CTNNA2: variants seen among roughly 807,000 people sequenced by gnomAD.
CTNNA2 encodes the protein catenin alpha-2.
CTNNA2 carries 42 observed loss-of-function variants against 101.0 expected under a neutral mutation model. The ratio of observed to expected loss-of-function variants is 0.42; its 90% CI spans 0.32 to 0.54. The LOEUF (loss-of-function observed/expected upper bound fraction) is 0.54. Ranked by LOEUF, CTNNA2 falls within the 20% of genes least tolerant of loss-of-function variation. The probability of loss-of-function intolerance (pLI) is 0.14; values close to 1 mark genes in which losing one functional copy is unlikely to be tolerated. For missense variants in CTNNA2, 871 were observed against 1,223.1 expected, an observed-to-expected ratio of 0.71 and a Z score of 4.29; for synonymous variants, 450 against 456.4, an observed-to-expected ratio of 0.99 and a Z score of 0.18.
chr2:79,592,212 C>G (rs1426912426), intron 1 of CTNNA2, among the ~76,000 whole-genome samples: 1 of 151,850 alleles, frequency 6.6e-6, no homozygotes, highest in Non-Finnish European at 1.5e-5. Flanking sequence ...CCTCTGCCTC[C>G]CGGGTTCAGG....
chr2:79,196,207 T>C (rs779484639), intron 1 of CTNNA2, among the ~76,000 whole-genome samples: 12 of 152,150 alleles, frequency 7.9e-5, no homozygotes, highest in Non-Finnish European at 1.5e-4. Context: ...GCTGGGATTA[T>C]AGGCATAAGC....
chr2:79,901,001 T>C (rs534832860), intron 6 of CTNNA2, among the ~76,000 whole-genome samples: 174 of 152,324 alleles, frequency 1.1e-3, no homozygotes, highest in Non-Finnish European at 1.0e-3. Flanking sequence ...ATGGGGATGA[T>C]GATTAAGTTA....
At chr2:80,581,555 G>A (rs531855765) in intron 13 of CTNNA2, 151 bp from the exon 14 acceptor site, 42 of 535,298 alleles carry the variant, frequency 7.8e-5, no homozygotes, top group Admixed American at 3.8e-4. Flanking sequence ...ACTGCATTCC[G>A]GCTAATACTC....
At chr2:79,323,105 A>G (rs993140512) in intron 3 of CTNNA2, among the ~76,000 whole-genome samples, 2 of 152,150 alleles carry the variant, frequency 1.3e-5, no homozygotes, top group African/African-American at 4.8e-5. Context: ...TCAAATCCCC[A>G]GTATGTTTAG....
At chr2:80,008,074 C>T (rs1184984611) in intron 7 of CTNNA2, among the ~76,000 whole-genome samples, 1 of 152,156 alleles carries the variant, frequency 6.6e-6, no homozygotes, top group Non-Finnish European at 1.5e-5. Context: ...GGCTCTATGA[C>T]CCAGATCTAC....
Position 79,785,843 on chromosome 2 carries a change from G to T in CTNNA2, c.298+41261G>T, listed in dbSNP as rs1043959802. ...AGTACTTACTAGATCCTATGATAGGGTATTTCTAACTTTGTAAGTATATCC... is the reference window on the plus strand; with the variant it reads ...AGTACTTACTAGATCCTATGATAGGTTATTTCTAACTTTGTAAGTATATCC... On this transcript the variant is annotated intron_variant, in intron 3 of 18. Coordinates refer to ENST00000402739, the MANE Select transcript of CTNNA2 (RefSeq NM_001282597.3). Among the ~76,000 whole-genome samples the T allele has an allele frequency of 2.6e-5, 4 of 152,058 alleles. No homozygotes were observed. In the East Asian group the frequency reaches 7.7e-4, roughly 29 times the overall value.
chr2:80,463,782 G>A (rs983389327), intron 9 of CTNNA2, among the ~76,000 whole-genome samples: 1 of 152,118 alleles, frequency 6.6e-6, no homozygotes, highest in African/African-American at 2.4e-5. Context: ...CATTTATCTA[G>A]TATATATTTT....
At chr2:79,401,831 T>C (rs10181774) in intron 4 of CTNNA2, among the ~76,000 whole-genome samples, 62,809 of 151,232 alleles carry the variant, frequency 0.42, 14,054 homozygotes, top group Non-Finnish European at 0.49. Context: ...ATTGAATATA[T>C]ACCTTTTAAA....
At chr2:80,018,446 G>A (rs1006640854) in intron 7 of CTNNA2, among the ~76,000 whole-genome samples, 10 of 152,170 alleles carry the variant, frequency 6.6e-5, no homozygotes, top group African/African-American at 1.2e-4. Context: ...TGGCCATGGC[G>A]GGAGTATTTA....
intron 4 of CTNNA2, among the ~76,000 whole-genome samples, chr2:79,461,213 T>C (rs1399110229): frequency 6.6e-6 from 1 of 152,222 alleles, no homozygotes; most frequent in East Asian, 1.9e-4. Context: ...TAAATTATCT[T>C]CAGAGTTACT....
intron 7 of CTNNA2, among the ~76,000 whole-genome samples, chr2:80,046,304 G>A (rs1241751900): frequency 6.6e-6 from 1 of 152,060 alleles, no homozygotes; most frequent in African/African-American, 2.4e-5. Context: ...GAGGTTAAAT[G>A]CCCAAAAATG....
chr2:79,638,009 ACTGT>A (rs1340561127), intron 1 of CTNNA2, among the ~76,000 whole-genome samples: 1 of 152,188 alleles, frequency 6.6e-6, no homozygotes, highest in African/African-American at 2.4e-5. Flanking sequence ...TTCCTCCATG[ACTGT>A]CTGATACACA....
intron 4 of CTNNA2, among the ~76,000 whole-genome samples, chr2:79,421,807 T>G (rs1678542737): frequency 6.6e-6 from 1 of 152,142 alleles, no homozygotes; most frequent in African/African-American, 2.4e-5. Flanking sequence ...AGGAGAACAC[T>G]AAATCGAGTA....
chr2:80,138,379 T>C (rs955633015), intron 7 of CTNNA2, among the ~76,000 whole-genome samples: 1 of 152,186 alleles, frequency 6.6e-6, no homozygotes, highest in African/African-American at 2.4e-5. Flanking sequence ...ATCTATGCCT[T>C]GGTTTCTCCA....
chr2:79,829,982 T>G (rs556176765), intron 3 of CTNNA2, among the ~76,000 whole-genome samples: 109 of 152,146 alleles, frequency 7.2e-4, no homozygotes, highest in African/African-American at 2.5e-3. Context: ...ATATCAAGTT[T>G]TGATTGACTA....
chr2:80,424,388 G>C (rs2149414608), intron 9 of CTNNA2, among the ~76,000 whole-genome samples: 1 of 152,322 alleles, frequency 6.6e-6, no homozygotes, highest in South Asian at 2.1e-4. Flanking sequence ...ACTCTATGAG[G>C]CTTTGAAAAT....
intron 5 of CTNNA2, among the ~76,000 whole-genome samples, chr2:79,873,738 C>CTT (rs35426130): frequency 3.4e-5 from 5 of 147,320 alleles, no homozygotes; most frequent in East Asian, 2.0e-4. Flanking sequence ...ACTTCCACAA[C>CTT]TTTTTTTTTT....
At chr2:79,613,104 C>T (rs1678389144) in intron 1 of CTNNA2, among the ~76,000 whole-genome samples, 1 of 151,824 alleles carries the variant, frequency 6.6e-6, no homozygotes, top group Non-Finnish European at 1.5e-5. Context: ...GACTTGGCCA[C>T]CCAATTTTGC....
chr2:80,042,179 G>A (rs1257464330), intron 7 of CTNNA2, among the ~76,000 whole-genome samples: 1 of 152,168 alleles, frequency 6.6e-6, no homozygotes, highest in South Asian at 2.1e-4. Flanking sequence ...TGACCAGGCT[G>A]GTCTTGAACT....
Sources: gnomAD v4.1 joint callset for allele counts (sites outside exome capture counted in the v4.1 genomes callset) on GRCh38, gnomAD v4.1.1 for gene constraint, MANE v1.5 for transcripts, NCBI Gene and HGNC (gene_info 2026-07-23, HGNC 2026-07-21) for gene names.